RRAS2: variants seen among roughly 807,000 people sequenced by gnomAD.
The protein encoded by RRAS2 is RAS related 2, also known as ras-related protein R-Ras2.
In RRAS2, 7 loss-of-function variants were observed where a neutral mutation model predicts 27.6. The ratio of observed to expected loss-of-function variants is 0.25; its 90% CI spans 0.14 to 0.48. The LOEUF is 0.48. Among genes scored for constraint, RRAS2 ranks in the 20% least tolerant of loss-of-function variants. RRAS2 has a pLI of 0.99. For synonymous variants in RRAS2, 86 were observed against 90.9 expected, an observed-to-expected ratio of 0.95 and a Z score of 0.31; for missense variants, 178 against 256.2, an observed-to-expected ratio of 0.69 and a Z score of 2.08.
intron 4 of RRAS2, among the ~76,000 whole-genome samples, chr11:14,283,711 TTTA>T (rs1849599247): frequency 6.6e-6 from 1 of 152,326 alleles, no homozygotes. Context: ...GTTTATAGTA[TTTA>T]TTATCTTTCA....
intron 1 of RRAS2, among the ~76,000 whole-genome samples, chr11:14,335,259 A>C (rs1412945570): frequency 1.3e-5 from 2 of 151,994 alleles, no homozygotes; most frequent in Non-Finnish European, 2.9e-5. Flanking sequence ...GACCTCCTTA[A>C]CATGAATGAT....
chr11:14,301,798 G>A (rs1847712431), intron 1 of RRAS2, among the ~76,000 whole-genome samples: 2 of 152,018 alleles, frequency 1.3e-5, no homozygotes, highest in South Asian at 2.1e-4. Flanking sequence ...GGCCAACATG[G>A]TGAAACCCCG....
At chr11:14,309,928 C>T (rs542018095) in intron 1 of RRAS2, among the ~76,000 whole-genome samples, 1 of 152,210 alleles carries the variant, frequency 6.6e-6, no homozygotes, top group South Asian at 2.1e-4. Flanking sequence ...TGGCTGCAGT[C>T]AGAAGACTGG....
chr11:14,361,704 A>C (rs1482096956), upstream of RRAS2, among the ~76,000 whole-genome samples: 1 of 152,156 alleles, frequency 6.6e-6, no homozygotes, highest in Non-Finnish European at 1.5e-5. Flanking sequence ...CAAAAGATTA[A>C]ATGTAGAGTT....
chr11:14,354,865 T>TG (rs1284126528), intron 1 of RRAS2, among the ~76,000 whole-genome samples: 1 of 151,586 alleles, frequency 6.6e-6, no homozygotes, highest in Non-Finnish European at 1.5e-5. Context: ...TTAGTAGAGG[T>TG]GGGGTTTCAC....
In RRAS2 at chr11:14,358,280, G is replaced by A. The variant is rs1554955744; in HGVS notation, c.108+483C>T. On this transcript the variant is annotated intron_variant, in intron 1 of 5. Coordinates refer to ENST00000256196, the MANE Select transcript of RRAS2 (RefSeq NM_012250.6). This position sits in a 1 kb window ranked among gnomAD's most constrained non-coding sequence, Gnocchi z 5.1. ...ACTTGAAGCGGGCAGCTCCGGCTCA[G>A]GCGGCGCGGGGAAGCCCGGAGACCA... is the stretch of plus-strand genomic sequence containing the variant. 1 of 985,410 alleles carries A rather than the reference G, an allele frequency of 1.0e-6. No individual in the cohort carries two copies. Among genetic ancestry groups the A allele is most frequent in the African/African-American group, 1.7e-5 (1 of 57,266 alleles). 61.0% of individuals were successfully genotyped at this position (985,410 alleles called of 1,614,324 possible).
chr11:14,287,567 C>T (rs1415657880), intron 4 of RRAS2, among the ~76,000 whole-genome samples: 3 of 151,998 alleles, frequency 2.0e-5, no homozygotes, highest in Non-Finnish European at 4.4e-5. Context: ...CTCACCTATC[C>T]TTATATAGGG....
At chr11:14,279,453 T>C (rs573387983) in intron 5 of RRAS2, 29 bp from the exon 6 acceptor site, 2 of 1,483,190 alleles carry the variant, frequency 1.3e-6, no homozygotes, top group African/African-American at 2.8e-5. Context: ...TAAAATATAA[T>C]TGCCTTCTTG....
chr11:14,354,672 CTTTT>C (rs35556947), intron 1 of RRAS2, among the ~76,000 whole-genome samples: 8 of 110,418 alleles, frequency 7.2e-5, no homozygotes, highest in African/African-American at 2.5e-4. Context: ...GTAACAATTT[CTTTT>C]TTTTTTTTTT....
intron 1 of RRAS2, among the ~76,000 whole-genome samples, chr11:14,357,332 C>T (rs1364885983): frequency 6.6e-6 from 1 of 152,086 alleles, no homozygotes; most frequent in East Asian, 1.9e-4. Flanking sequence ...AGACTAGTCC[C>T]CAAAGGGTTA....
At chr11:14,312,415 TTTTG>T (rs1170379909) in intron 1 of RRAS2, among the ~76,000 whole-genome samples, 2 of 152,110 alleles carry the variant, frequency 1.3e-5, no homozygotes, top group Non-Finnish European at 2.9e-5. Flanking sequence ...GGCACTTGTT[TTTTG>T]TTTGTTTTTT....
intron 1 of RRAS2, among the ~76,000 whole-genome samples, chr11:14,319,828 T>C (rs1426672931): frequency 6.6e-6 from 1 of 152,218 alleles, no homozygotes; most frequent in Non-Finnish European, 1.5e-5. Flanking sequence ...GTATCAGTTG[T>C]ATTTTTCAGA....
chr11:14,329,119 A>ATT (rs1342868211), intron 1 of RRAS2, among the ~76,000 whole-genome samples: 10 of 149,530 alleles, frequency 6.7e-5, no homozygotes, highest in Middle Eastern at 3.5e-3. Context: ...ATATATATAT[A>ATT]TTTTTTTTGA....
chr11:14,329,028 T>TAC (rs1554951566), intron 1 of RRAS2, among the ~76,000 whole-genome samples: 14 of 114,690 alleles, frequency 1.2e-4, no homozygotes, highest in East Asian at 5.3e-4. Flanking sequence ...TATATATATA[T>TAC]ACACACACAC....
At chr11:14,343,057 G>T (rs1167929271) in intron 1 of RRAS2, among the ~76,000 whole-genome samples, 1 of 152,198 alleles carries the variant, frequency 6.6e-6, no homozygotes, top group African/African-American at 2.4e-5. Context: ...CAGTAAGACA[G>T]CTGGAACAAA....
chr11:14,341,674 G>A (rs1480021942), intron 1 of RRAS2: 1 of 272,324 alleles, frequency 3.7e-6, no homozygotes, highest in African/African-American at 2.2e-5. Flanking sequence ...AACAAGTCAT[G>A]ATACCTTTAA....
At chr11:14,284,854 T>C (rs911119946) in intron 4 of RRAS2, among the ~76,000 whole-genome samples, 1 of 152,210 alleles carries the variant, frequency 6.6e-6, no homozygotes, top group Non-Finnish European at 1.5e-5. Context: ...ATAATTAAAG[T>C]AGCTATATAA....
chr11:14,279,924 A>C (rs934226049), intron 5 of RRAS2, among the ~76,000 whole-genome samples: 7 of 152,212 alleles, frequency 4.6e-5, no homozygotes, highest in Admixed American at 1.3e-4. Flanking sequence ...TGATGTTAGA[A>C]TATATCTAAT....
intron 1 of RRAS2, among the ~76,000 whole-genome samples, chr11:14,341,636 C>T (rs551733360): frequency 7.5e-4 from 114 of 152,044 alleles, no homozygotes; most frequent in African/African-American, 2.5e-3. Context: ...GAAGGAAAAC[C>T]CCTGAAGAAA....
Sources: gnomAD v4.1 joint callset for allele counts (sites outside exome capture counted in the v4.1 genomes callset) on GRCh38, gnomAD v4.1.1 for gene constraint, Gnocchi (gnomAD v3.1) non-coding constraint, MANE v1.5 for transcripts, NCBI Gene and HGNC (gene_info 2026-07-23, HGNC 2026-07-21) for gene names.